Variants in PHLPP1 observed in about 807,000 individuals in gnomAD.
PHLPP1 encodes PH domain leucine-rich repeat-containing protein phosphatase 1.
In PHLPP1, 42 loss-of-function variants were observed where a neutral mutation model predicts 117.2. The ratio of observed to expected loss-of-function variants is 0.36; its 90% CI spans 0.28 to 0.46. The LOEUF (loss-of-function observed/expected upper bound fraction) is 0.46, where lower values mean the gene tolerates loss of function less well. Among genes scored for constraint, PHLPP1 ranks in the 20% least tolerant of loss-of-function variants. The pLI is 1.00. For synonymous variants in PHLPP1, 1,042 were observed against 970.7 expected, an observed-to-expected ratio of 1.07 and a Z score of -1.37; for missense variants, 2,084 against 2,241.9, an observed-to-expected ratio of 0.93 and a Z score of 1.42.
At chr18:62,735,564 A>AAACAACAACAACAACAACAACAAC (rs34600395) in intron 1 of PHLPP1, among the ~76,000 whole-genome samples, 1 of 142,876 alleles carries the variant, frequency 7.0e-6, no homozygotes. Context: ...CCCCCCATCA[A>AAACAACAACAACAACAACAACAAC]AACAACAACA....
intron 1 of PHLPP1, among the ~76,000 whole-genome samples, chr18:62,782,777 G>C (rs1268717212): frequency 3.3e-5 from 5 of 152,110 alleles, no homozygotes; most frequent in South Asian, 4.1e-4. Context: ...GAAATAACAA[G>C]GGGTAGTGAC....
intron 1 of PHLPP1, among the ~76,000 whole-genome samples, chr18:62,719,674 A>T (rs1910860386): frequency 6.6e-6 from 1 of 152,172 alleles, no homozygotes. Flanking sequence ...TGGTAATTTT[A>T]TACATAACTT....
At position 62,715,916 on chromosome 18, in the gene PHLPP1, C is replaced by T; in HGVS notation, c.233C>T (p.Ala78Val). The T allele has an allele frequency of 1.0e-6, 1 of 982,524 alleles. No individual in the cohort carries two copies. Among genetic ancestry groups the T allele is most frequent in the Non-Finnish European group, 1.2e-6 (1 of 818,672 alleles). The allele number at this position is 982,524 out of a possible 1,614,324, so 60.9% of individuals were successfully genotyped here. Residue 78 changes from alanine to valine, a missense_variant, in exon 1 of 17, where the codon GCG (alanine) becomes GTG (valine). Ala to Val is a moderately conservative substitution (Grantham distance 64). Transcript: ENST00000262719. ...GCGCGGGAAGAGGCCCCAGGCGAGG[C>T]GCCGCCGGGGCCGCTGCCGGGCAGA... The part of the protein sequence containing the change: ...SGAREEAPGE[A>V]PPGPLPGRAG...
chr18:62,832,187 A>C (rs1304919966), intron 2 of PHLPP1: 1 of 152,236 alleles, frequency 6.6e-6, no homozygotes, highest in Non-Finnish European at 1.5e-5. Context: ...AAATACTAAC[A>C]TAGCTAAATA....
At chr18:62,826,143 C>T (rs529871178) in intron 1 of PHLPP1, 1 of 297,804 alleles carries the variant, frequency 3.4e-6, no homozygotes, top group African/African-American at 2.2e-5. Flanking sequence ...GATGTCTGTG[C>T]ATATTTATTT....
chr18:62,838,846 G>C lies in PHLPP1; in HGVS notation c.1836G>C (p.Gln612His). Reference protein sequence around the residue: ...LAFSSSGPQSQTYYICFDTFT... With the variant: ...LAFSSSGPQSHTYYICFDTFT... ...TTAGCTCCTCTGGACCCCAAAGCCA[G>C]ACTTACTACATTTGCTTTGATACTT... The change falls in exon 3 of 17, where the codon CAG becomes CAC. Residue 612 changes from glutamine to histidine, a missense_variant. Transcript: ENST00000262719. The C allele has an allele frequency of 6.2e-7, 1 of 1,613,772 alleles. No individual in the cohort carries two copies. The highest frequency in any genetic ancestry group is 8.5e-7 in the Non-Finnish European group (1 of 1,179,704).
intron 1 of PHLPP1, among the ~76,000 whole-genome samples, chr18:62,726,960 G>C (rs1411936692): frequency 1.3e-5 from 2 of 151,554 alleles, no homozygotes; most frequent in Non-Finnish European, 2.9e-5. Context: ...GGGTGCGGTG[G>C]CTCACACCTG....
In PHLPP1 at chr18:62,920,089, C is replaced by T; in HGVS notation, c.2935C>T (p.Pro979Ser). The T allele has an allele frequency of 6.2e-7, 1 of 1,613,788 alleles. No individual in the cohort carries two copies. The highest frequency in any genetic ancestry group is 8.5e-7 in the Non-Finnish European group (1 of 1,179,794). ...VQHNQLLELPPNLLMKADSLR... is the reference protein window; with the variant it reads ...VQHNQLLELPSNLLMKADSLR... ...ACACAACCAGCTCCTTGAGCTCCCACCTAACCTTCTGATGAAGGCTGACAG... is the reference window on the plus strand; with the variant it reads ...ACACAACCAGCTCCTTGAGCTCCCATCTAACCTTCTGATGAAGGCTGACAG... The change falls in exon 10 of 17, where the codon CCT becomes TCT. Residue 979 changes from proline to serine, a missense_variant. By Grantham distance (74) the Pro-to-Ser change is moderately conservative (BLOSUM62 -1). Transcript: ENST00000262719.
chr18:62,785,683 C>T (rs1415303891), intron 1 of PHLPP1, among the ~76,000 whole-genome samples: 3 of 152,122 alleles, frequency 2.0e-5, no homozygotes, highest in Admixed American at 2.0e-4. Flanking sequence ...TGCTGTTTTG[C>T]CAAAATTTTG....
intron 1 of PHLPP1, among the ~76,000 whole-genome samples, chr18:62,727,227 CAA>C (rs1213656513): frequency 0.026 from 1,835 of 70,660 alleles, 26 homozygotes; most frequent in African/African-American, 0.075. Flanking sequence ...TACTCTGTCT[CAA>C]AAAAAAAAAA....
At chr18:62,896,220 G>A (rs1158759892) in intron 6 of PHLPP1, among the ~76,000 whole-genome samples, 5 of 151,774 alleles carry the variant, frequency 3.3e-5, no homozygotes, top group African/African-American at 1.2e-4. Flanking sequence ...TCTTTGTTTT[G>A]CAGATTGGAA....
chr18:62,919,416 C>A (rs1005671621), intron 9 of PHLPP1, among the ~76,000 whole-genome samples: 1 of 152,188 alleles, frequency 6.6e-6, no homozygotes, highest in Non-Finnish European at 1.5e-5. Context: ...CTAGAAAAAA[C>A]AGACATACAG....
At chr18:62,964,128 G>A (rs1338022380) in intron 14 of PHLPP1, among the ~76,000 whole-genome samples, 2 of 152,030 alleles carry the variant, frequency 1.3e-5, no homozygotes, top group Non-Finnish European at 2.9e-5. Flanking sequence ...TACCTAGACA[G>A]GTAAAGAATC....
chr18:62,955,729 A>AT (rs1375170736), intron 12 of PHLPP1, among the ~76,000 whole-genome samples: 5 of 152,180 alleles, frequency 3.3e-5, no homozygotes, highest in African/African-American at 4.8e-5. Flanking sequence ...TGTAGAAAAA[A>AT]TTTTTACCAA....
intron 1 of PHLPP1, among the ~76,000 whole-genome samples, chr18:62,721,446 GTGTGTGTGTGTA>G (rs1210518298): frequency 2.0e-5 from 3 of 152,008 alleles, no homozygotes; most frequent in African/African-American, 7.3e-5. Flanking sequence ...GTGTGTGTGT[GTGTGTGTGTGTA>G]TGTGTGACAG....
At chr18:62,939,660 A>G (rs1027387117) in intron 10 of PHLPP1, among the ~76,000 whole-genome samples, 4 of 150,510 alleles carry the variant, frequency 2.7e-5, no homozygotes, top group East Asian at 2.0e-4. Flanking sequence ...TTTAATGTCA[A>G]CGGAATACGT....
intron 1 of PHLPP1, among the ~76,000 whole-genome samples, chr18:62,782,495 A>G (rs938628026): frequency 6.6e-6 from 1 of 152,232 alleles, no homozygotes; most frequent in Non-Finnish European, 1.5e-5. Flanking sequence ...TCTCTCTGCC[A>G]TATATATTCT....
At chr18:62,860,675 A>G in intron 4 of PHLPP1, 74 bp downstream of exon 4, 2 of 1,227,764 alleles carry the variant, frequency 1.6e-6, no homozygotes, top group Non-Finnish European at 1.1e-6. Context: ...TATCTCTTGA[A>G]TATTCTCATG....
intron 14 of PHLPP1, among the ~76,000 whole-genome samples, chr18:62,966,964 T>A (rs970211803): frequency 6.6e-6 from 1 of 152,198 alleles, no homozygotes; most frequent in Non-Finnish European, 1.5e-5. Context: ...ATAAACAGAA[T>A]TATATAGTAT....
Sources: gnomAD v4.1 joint callset for allele counts (sites outside exome capture counted in the v4.1 genomes callset) on GRCh38, gnomAD v4.1.1 for gene constraint, MANE v1.5 for transcripts, NCBI Gene and HGNC (gene_info 2026-07-23, HGNC 2026-07-21) for gene names.